GCNT4: variants seen among roughly 807,000 people sequenced by gnomAD.
GCNT4 encodes glucosaminyl (N-acetyl) transferase 4, also known as beta-1,3-galactosyl-O-glycosyl-glycoprotein beta-1,6-N-acetylglucosaminyltransferase 4.
Under a neutral mutation model 31.3 loss-of-function variants are expected in GCNT4, and 17 were observed. The ratio of observed to expected loss-of-function variants is 0.54; its 90% CI spans 0.37 to 0.81. The LOEUF (loss-of-function observed/expected upper bound fraction) is 0.81, where lower values mean the gene tolerates loss of function less well. GCNT4 is among the 40% of genes least tolerant of loss of function. GCNT4 has a pLI of 0.00. For synonymous variants in GCNT4, 158 were observed against 190.6 expected (o/e 0.83, Z 1.41); for missense variants, 503 against 525.5 (o/e 0.96, Z 0.42).
intron 2 of GCNT4, among the ~76,000 whole-genome samples, chr5:75,051,276 C>T (rs1022182557): frequency 6.6e-6 from 1 of 152,262 alleles, no homozygotes; most frequent in African/African-American, 2.4e-5. Context: ...TGAGCTGCAG[C>T]ACATCTGCGC....
chr5:75,044,526 A>G (rs952151211), intron 3 of GCNT4, among the ~76,000 whole-genome samples: 12 of 151,854 alleles, frequency 7.9e-5, no homozygotes, highest in African/African-American at 2.7e-4. Context: ...TGACTAAATG[A>G]GCTAATGCAC....
chr5:75,036,166 A>AC lies in GCNT4; in HGVS notation c.-1-6129_-1-6128insG, dbSNP rs555744829. On this transcript the variant is annotated intron_variant, in intron 3 of 3. Coordinates refer to ENST00000652361, the MANE Select transcript of GCNT4 (RefSeq NM_001366737.1). ...ACTTGTATTTACTTGAAAAAAAAAA[A>AC]ACCTGTGTATAATTGGACCCCCTGA... Among the ~76,000 whole-genome samples the AC allele has an allele frequency of 4.7e-3, 712 of 152,100 alleles. 6 individuals are homozygous for AC. The highest frequency in any genetic ancestry group is 6.8e-3 in the Non-Finnish European group (463 of 68,006).
At chr5:75,033,207 C>T (rs1743112707) in intron 3 of GCNT4, among the ~76,000 whole-genome samples, 2 of 152,366 alleles carry the variant, frequency 1.3e-5, no homozygotes, top group South Asian at 4.1e-4. Flanking sequence ...CCTTGTCACT[C>T]ATTTCCAGGG....
intron 3 of GCNT4, among the ~76,000 whole-genome samples, chr5:75,035,591 G>T (rs1334685774): frequency 6.6e-6 from 1 of 152,210 alleles, no homozygotes; most frequent in Non-Finnish European, 1.5e-5. Flanking sequence ...ACTACTCTAG[G>T]AAAATGTGGC....
intron 3 of GCNT4, among the ~76,000 whole-genome samples, chr5:75,045,713 T>C (rs1743422733): frequency 6.6e-6 from 1 of 152,218 alleles, no homozygotes; most frequent in Admixed American, 6.5e-5. Context: ...CACAAACATT[T>C]ACTGTGTGCC....
At chr5:75,037,390 A>G (rs889987938) in intron 3 of GCNT4, among the ~76,000 whole-genome samples, 1 of 152,198 alleles carries the variant, frequency 6.6e-6, no homozygotes, top group Non-Finnish European at 1.5e-5. Flanking sequence ...TGTTCTGGAG[A>G]AAAGATTGCA....
At position 75,046,404 on chromosome 5, in the gene GCNT4, C is replaced by T. The variant is rs180859218; in HGVS notation, c.-2+1493G>A. ...GCAGGAGAAGGAAGAAAAAAAGGAG[C>T]CTTGGCAACCACAGGAACTCCGCTA... On this transcript the variant is annotated intron_variant, in intron 3 of 3. Coordinates refer to ENST00000652361, the MANE Select transcript of GCNT4 (RefSeq NM_001366737.1). Among the ~76,000 whole-genome samples, 6 of 152,204 alleles carry T rather than the reference C, an allele frequency of 3.9e-5. No homozygotes were observed. The East Asian group carries it at 9.7e-4, about 24-fold the overall frequency.
Position 75,031,748 on chromosome 5 carries a change from G to C in GCNT4, c.-1-1710C>G, listed in dbSNP as rs1243301946. On this transcript the variant is annotated intron_variant, in intron 3 of 3. Transcript: ENST00000652361. Reference sequence around the variant, plus strand: ...TATATTACTTTTTCAGATGAAAACAGGCTGACTAGGAGGAGGGTACAGATG... The same window carrying C: ...TATATTACTTTTTCAGATGAAAACACGCTGACTAGGAGGAGGGTACAGATG... 2.0e-5 allele frequency among the ~76,000 whole-genome samples: 3 copies of C among 152,152 alleles called. No homozygotes were observed. The East Asian group carries it at 5.8e-4, about 29-fold the overall frequency.
At chr5:75,040,797 TC>T (rs1174043189) in intron 3 of GCNT4, among the ~76,000 whole-genome samples, 1 of 152,216 alleles carries the variant, frequency 6.6e-6, no homozygotes, top group Non-Finnish European at 1.5e-5. Flanking sequence ...ATTCTGACAT[TC>T]TAATCATTAT....
At chr5:75,022,358 A>G (rs1161673625), downstream of GCNT4, among the ~76,000 whole-genome samples, 1 of 152,228 alleles carries the variant, frequency 6.6e-6, no homozygotes, top group Non-Finnish European at 1.5e-5. Flanking sequence ...CATATAAAAT[A>G]TTTCTGAACT....
At chr5:75,039,081 TG>T (rs1019460917) in intron 3 of GCNT4, among the ~76,000 whole-genome samples, 67 of 151,720 alleles carry the variant, frequency 4.4e-4, no homozygotes, top group Non-Finnish European at 2.1e-4. Context: ...TGTTTTTTTT[TG>T]TTTTGTTTTG....
rs1742960575 is a variant in GCNT4 at position 75,027,075 on chromosome 5, C to T, written c.*1601G>A. ...CTATTTTGGGCTAGATTTACTACAT[C>T]TTTAAATATAATATCTGAGGCTACA... is the stretch of plus-strand genomic sequence containing the variant. On this transcript the variant is annotated 3_prime_UTR_variant, in exon 4 of 4. Coordinates refer to ENST00000652361, the MANE Select transcript of GCNT4 (RefSeq NM_001366737.1). 1 of 151,374 alleles carries T rather than the reference C, an allele frequency of 6.6e-6. No homozygotes were observed. The highest frequency in any genetic ancestry group is 2.4e-5 in the African/African-American group (1 of 41,152). The allele number at this position is 151,374 out of a possible 1,614,324, so 9.4% of individuals were successfully genotyped here.
chr5:75,042,158 C>A (rs903399798), intron 3 of GCNT4, among the ~76,000 whole-genome samples: 2 of 152,268 alleles, frequency 1.3e-5, no homozygotes, highest in African/African-American at 4.8e-5. Context: ...TTGGGATCCC[C>A]GTCTTCTCTG....
At chr5:75,023,675 C>T (rs183619590), downstream of GCNT4, among the ~76,000 whole-genome samples, 2 of 152,242 alleles carry the variant, frequency 1.3e-5, no homozygotes, top group African/African-American at 2.4e-5. Flanking sequence ...TGTCAAAACA[C>T]GTGTATGTAG....
chr5:75,018,524 C>T, the GCNT4 span, among the ~76,000 whole-genome samples: 3 of 152,086 alleles, frequency 2.0e-5, no homozygotes, highest in African/African-American at 7.2e-5. Flanking sequence ...TCGTGACCTG[C>T]CACCTTGGCT....
rs951794113 is a variant in GCNT4, at chr5:75,037,224, G to A, written c.-1-7186C>T. 2.0e-4 allele frequency among the ~76,000 whole-genome samples: 30 copies of A among 152,106 alleles called. 1 individual carries two copies. The highest frequency in any genetic ancestry group is 6.5e-4 in the African/African-American group (27 of 41,406). On this transcript the variant is annotated intron_variant, in intron 3 of 3. Coordinates refer to ENST00000652361, the MANE Select transcript of GCNT4 (RefSeq NM_001366737.1). ...GTCACTGATTCTCCCTTGGTGACTC[G>A]CTCACTGCCAAGCCCAGGGGATGTT...
Position 75,028,434 on chromosome 5 carries a change from A to G in GCNT4, c.*242T>C, listed in dbSNP as rs1742993196. 4 of 484,358 alleles carry G rather than the reference A, an allele frequency of 8.3e-6. No individual in the cohort carries two copies. Among genetic ancestry groups the G allele is most frequent in the Non-Finnish European group, 1.4e-5 (4 of 277,378 alleles). The allele number at this position is 484,358 out of a possible 1,614,324, so 30.0% of individuals were successfully genotyped here. ...CTCAATAATGTTTGATGACTGACTG[A>G]ATGTTTAAGATCTCTGATTTGGCTC... On this transcript the variant is annotated 3_prime_UTR_variant, in exon 4 of 4. Transcript: ENST00000652361.
chr5:75,037,000 T>G (rs1327517104), intron 3 of GCNT4, among the ~76,000 whole-genome samples: 1 of 152,234 alleles, frequency 6.6e-6, no homozygotes, highest in Non-Finnish European at 1.5e-5. Context: ...AAACTTTGTA[T>G]TATTACATAT....
At chr5:75,048,776 C>G (rs1346333955) in intron 2 of GCNT4, among the ~76,000 whole-genome samples, 1 of 152,190 alleles carries the variant, frequency 6.6e-6, no homozygotes, top group Admixed American at 6.5e-5. Flanking sequence ...GGCTACATCC[C>G]TCTGCTGGGT....
Sources: gnomAD v4.1 joint callset for allele counts (sites outside exome capture counted in the v4.1 genomes callset) on GRCh38, gnomAD v4.1.1 for gene constraint, MANE v1.5 for transcripts, NCBI Gene and HGNC (gene_info 2026-07-23, HGNC 2026-07-21) for gene names.